Variants in SATB2 observed in about 807,000 individuals in gnomAD.
The protein encoded by SATB2 is SATB homeobox 2.
In SATB2, 1 loss-of-function variant was observed where a neutral mutation model predicts 73.4. The ratio of observed to expected loss-of-function variants is 0.01; its 90% confidence interval spans 0.00 to 0.06. The LOEUF is 0.06. SATB2 is among the 10% of genes least tolerant of loss of function. SATB2 has a pLI of 1.00. For missense variants in SATB2, 459 were observed against 945.8 expected (o/e 0.49, Z 6.75); for synonymous variants, 397 against 367.0 (o/e 1.08, Z -0.93).
intron 10 of SATB2, among the ~76,000 whole-genome samples, chr2:199,306,783 A>C (rs768469142): frequency 6.6e-6 from 1 of 152,176 alleles, no homozygotes; most frequent in Non-Finnish European, 1.5e-5. Context: ...TTAATGGACA[A>C]AAAACAGACA....
intron 3 of SATB2, among the ~76,000 whole-genome samples, chr2:199,391,631 G>A (rs1690144791): frequency 6.6e-6 from 1 of 151,966 alleles, no homozygotes; most frequent in African/African-American, 2.4e-5. Context: ...TTTAAAGGCT[G>A]TAAACCAAAT....
At chr2:199,320,454 C>T (rs1687854551) in intron 9 of SATB2, among the ~76,000 whole-genome samples, 1 of 152,086 alleles carries the variant, frequency 6.6e-6, no homozygotes, top group South Asian at 2.1e-4. Context: ...TCTTGGACTC[C>T]TTTCCCACGA....
At chr2:199,281,568 T>C (rs1183695916) in intron 10 of SATB2, among the ~76,000 whole-genome samples, 3 of 152,150 alleles carry the variant, frequency 2.0e-5, no homozygotes, top group Non-Finnish European at 4.4e-5. Flanking sequence ...ATTTGTTGAA[T>C]AGATGATTGA....
upstream of SATB2, among the ~76,000 whole-genome samples, chr2:199,467,039 C>T (rs951698821): frequency 6.6e-6 from 1 of 152,248 alleles, no homozygotes; most frequent in Non-Finnish European, 1.5e-5. Flanking sequence ...GGCTGGCCGC[C>T]CAGGCTGAGG....
At chr2:199,283,233 G>A (rs922119532) in intron 10 of SATB2, among the ~76,000 whole-genome samples, 5 of 145,736 alleles carry the variant, frequency 3.4e-5, no homozygotes, top group African/African-American at 1.0e-4. Flanking sequence ...ACAGGCGCCC[G>A]CCACCATGCC....
At chr2:199,366,442 T>A (rs895438772) in intron 6 of SATB2, among the ~76,000 whole-genome samples, 1 of 152,092 alleles carries the variant, frequency 6.6e-6, no homozygotes, top group African/African-American at 2.4e-5. Context: ...ACTTCCCTTT[T>A]TCTGAGGGTC....
chr2:199,345,352 C>T (rs942528625), intron 7 of SATB2, among the ~76,000 whole-genome samples: 1 of 151,928 alleles, frequency 6.6e-6, no homozygotes, highest in Non-Finnish European at 1.5e-5. Flanking sequence ...ATACATGTGC[C>T]ATGTTGGTGT....
At chr2:199,338,290 C>T (rs1292947807) in intron 7 of SATB2, among the ~76,000 whole-genome samples, 1 of 151,846 alleles carries the variant, frequency 6.6e-6, no homozygotes, top group Non-Finnish European at 1.5e-5. Context: ...ATCACTTGAA[C>T]TCGGGAGGCA....
upstream of SATB2, chr2:199,469,567 A>G (rs1692663999): frequency 6.6e-6 from 1 of 152,436 alleles, no homozygotes. Context: ...AGGGAGCGTA[A>G]AGTAGCGAGA....
intron 9 of SATB2, among the ~76,000 whole-genome samples, chr2:199,310,722 A>C (rs893037786): frequency 6.6e-6 from 1 of 152,216 alleles, no homozygotes; most frequent in Non-Finnish European, 1.5e-5. Context: ...GAGCATGGAG[A>C]CTAACCATTT....
intron 9 of SATB2, among the ~76,000 whole-genome samples, chr2:199,310,094 T>C (rs1386492280): frequency 6.6e-6 from 1 of 152,166 alleles, no homozygotes; most frequent in Non-Finnish European, 1.5e-5. Context: ...TGCAGCCTCT[T>C]CCTCGCGGCC....
chr2:199,405,957 C>A (rs1355991772), intron 3 of SATB2, among the ~76,000 whole-genome samples: 3 of 151,858 alleles, frequency 2.0e-5, no homozygotes, highest in East Asian at 3.9e-4. Context: ...ATTCAACAAC[C>A]CTGGATTAAA....
rs71885911 is a variant in SATB2, at chr2:199,355,324, ATGTGTG to A, written c.701-6157_701-6152del. On this transcript the variant is annotated intron_variant, in intron 6 of 10. Transcript: ENST00000417098. ...CAAGGATGTATGTATATACATATGT[ATGTGTG>A]TGTGTGTGTGTGTGTATCTATATAT... is the stretch of plus-strand genomic sequence containing the variant. 2.6e-4 allele frequency among the ~76,000 whole-genome samples: 35 copies of A among 134,392 alleles called. 2 individuals are homozygous for A. Among genetic ancestry groups the A allele is most frequent in the East Asian group, 7.5e-4 (3 of 3,976 alleles). 88.2% of individuals were successfully genotyped at this position (134,392 alleles called of 152,430 possible).
At chr2:199,304,181 G>GA (rs1687366957) in intron 10 of SATB2, among the ~76,000 whole-genome samples, 1 of 152,154 alleles carries the variant, frequency 6.6e-6, no homozygotes, top group South Asian at 2.1e-4. Flanking sequence ...TTTTCCAATT[G>GA]TAAAACGGAG....
In SATB2 at chr2:199,271,870, A is replaced by G; in HGVS notation, c.*341T>C. 2.9e-6 allele frequency: 1 copy of G among 349,068 alleles called. No individual in the cohort carries two copies. The highest frequency in any genetic ancestry group is 5.4e-6 in the Non-Finnish European group (1 of 184,266). The allele number at this position is 349,068 out of a possible 1,614,324, so 21.6% of individuals were successfully genotyped here. A position where few individuals can be genotyped will look rare whatever the true frequency, so the allele number is the denominator to read the frequency against. Reference sequence around the variant, plus strand: ...TTCTTTTCATCCTGGTACTTGCCTGATGTAACTTCCGTTAAGTGCAAGGAT... The same window carrying G: ...TTCTTTTCATCCTGGTACTTGCCTGGTGTAACTTCCGTTAAGTGCAAGGAT... On this transcript the variant is annotated 3_prime_UTR_variant, in exon 11 of 11. Transcript: ENST00000417098.
upstream of SATB2, among the ~76,000 whole-genome samples, chr2:199,459,106 C>G (rs1692397906): frequency 6.6e-6 from 1 of 152,044 alleles, no homozygotes; most frequent in African/African-American, 2.4e-5. This position sits in a 1 kb window ranked among gnomAD's most constrained non-coding sequence, Gnocchi z 4.2. Context: ...GCCTGGAGCC[C>G]GTGACGCGGT....
At chr2:199,452,081 T>C (rs1402350717) in intron 2 of SATB2, among the ~76,000 whole-genome samples, 2 of 152,116 alleles carry the variant, frequency 1.3e-5, no homozygotes, top group Non-Finnish European at 2.9e-5. Context: ...TTTAAATATT[T>C]TTCCCTAAAA....
intron 5 of SATB2, among the ~76,000 whole-genome samples, chr2:199,374,139 A>C (rs1450783204): frequency 6.6e-6 from 1 of 152,230 alleles, no homozygotes; most frequent in Non-Finnish European, 1.5e-5. Flanking sequence ...GGCACACTAC[A>C]TGAACGCCAT....
intron 9 of SATB2, among the ~76,000 whole-genome samples, chr2:199,315,819 T>TCC (rs1383563614): frequency 1.3e-5 from 2 of 152,044 alleles, no homozygotes; most frequent in Non-Finnish European, 2.9e-5. Context: ...GTCACAGTGA[T>TCC]TATTCCCCTT....
Sources: gnomAD v4.1 joint callset for allele counts (sites outside exome capture counted in the v4.1 genomes callset) on GRCh38, gnomAD v4.1.1 for gene constraint, Gnocchi (gnomAD v3.1) non-coding constraint, MANE v1.5 for transcripts, NCBI Gene and HGNC (gene_info 2026-07-23, HGNC 2026-07-21) for gene names.